SPATA31C1: variants seen among roughly 807,000 people sequenced by gnomAD.
SPATA31C1 encodes the protein SPATA31 subfamily C member 1.
chr9:87,922,052 G>C (rs193191680), exon 5 of SPATA31C1: 2 of 1,613,848 alleles, frequency 1.2e-6, no homozygotes, highest in African/African-American at 2.7e-5. Context: ...TCCTTGGAGA[G>C]CCACCAATGG....
intron 3 of SPATA31C1, among the ~76,000 whole-genome samples, chr9:87,919,589 AG>A (rs997266740): frequency 2.5e-5 from 2 of 81,140 alleles, no homozygotes; most frequent in East Asian, 3.3e-4. Context: ...CTGGATGCGG[AG>A]GGGGGTGAGG....
exon 5 of SPATA31C1, chr9:87,923,379 C>G (rs1828935140): frequency 6.2e-7 from 1 of 1,602,550 alleles, no homozygotes; most frequent in Non-Finnish European, 8.5e-7. Flanking sequence ...CCTGCGACAT[C>G]CCCAACTCTT....
At chr9:87,919,104 C>T (rs1250969960) in intron 2 of SPATA31C1, 151 bp from the exon 2 acceptor site, 8 of 1,235,458 alleles carry the variant, frequency 6.5e-6, no homozygotes, top group Non-Finnish European at 8.0e-6. Context: ...AGCAGTTTAT[C>T]ATCCATTTAA....
rs745367524 is a variant in SPATA31C1, at chr9:87,920,605, C to T, written n.995C>T. On this transcript the variant is annotated non_coding_transcript_exon_variant, in exon 5 of 5. Transcript: ENST00000420021. Reference sequence around the variant, plus strand: ...CCTCTGGCCTGCTCTCCACCTCCTCCGAAAGGCTTCACTCCTCCTCCCCTG... The same window carrying T: ...CCTCTGGCCTGCTCTCCACCTCCTCTGAAAGGCTTCACTCCTCCTCCCCTG... 71 of 1,613,664 alleles carry T rather than the reference C, an allele frequency of 4.4e-5. 1 individual carries two copies. The highest frequency in any genetic ancestry group is 4.2e-4 in the East Asian group (19 of 44,894).
At chr9:87,919,478 T>C in intron 3 of SPATA31C1, 130 bp downstream of exon 2, 1 of 1,368,762 alleles carries the variant, frequency 7.3e-7, no homozygotes, top group Admixed American at 2.3e-5. Flanking sequence ...CCCTGGGTCC[T>C]TCTCAGATTC....
Position 87,919,050 on chromosome 9 carries a change from G to A in SPATA31C1, n.523-241G>A, listed in dbSNP as rs1256949691. The A allele has an allele frequency of 4.8e-5, 38 of 793,538 alleles. No individual in the cohort carries two copies. The East Asian group carries it at 7.2e-4, about 15-fold the overall frequency. The allele number at this position is 793,538 out of a possible 1,614,324, so 49.2% of individuals were successfully genotyped here. On this transcript the variant is annotated intron_variant and non_coding_transcript_variant, in intron 2 of 4. Coordinates refer to ENST00000420021, the Ensembl canonical transcript of SPATA31C1. ...CTCCCAAAGTGCTTGGATTATAGGC[G>A]TGAGCCACCGCACCCGACCCCCTCT...
At chr9:87,920,911 T>A in exon 5 of SPATA31C1, 2 of 1,613,254 alleles carry the variant, frequency 1.2e-6, no homozygotes, top group African/African-American at 1.3e-5. Flanking sequence ...CTGTCCCATC[T>A]GGGGCCTGAG....
exon 5 of SPATA31C1, chr9:87,921,811 T>C (rs1335063550): frequency 5.0e-6 from 8 of 1,611,932 alleles, no homozygotes; most frequent in Middle Eastern, 2.2e-4. Context: ...AAAGCCTGTG[T>C]AAACACAGCC....
At chr9:87,920,964 C>T (rs778630900) in exon 5 of SPATA31C1, 1 of 1,613,070 alleles carries the variant, frequency 6.2e-7, no homozygotes, top group South Asian at 1.1e-5. Context: ...CCGGCCCACA[C>T]CTATGGCTCA....
chr9:87,921,336 C>T, exon 5 of SPATA31C1: 1 of 1,611,982 alleles, frequency 6.2e-7, no homozygotes, highest in Non-Finnish European at 8.5e-7. Context: ...GGATCTGATG[C>T]AGCTTCAGGA....
exon 5 of SPATA31C1, chr9:87,922,259 A>C: frequency 3.1e-6 from 5 of 1,613,020 alleles, no homozygotes; most frequent in Non-Finnish European, 4.2e-6. Flanking sequence ...ACAGCCTCAA[A>C]GGCAGCACCC....
rs1360050933 is a variant in SPATA31C1 at position 87,915,423 on chromosome 9, G to A, written n.189+713G>A. The stretch of plus-strand genomic sequence containing the variant: ...GTTCAAGCTATTCTCCTGTCTTAGC[G>A]TACTGAGTAGCTGGGGATTACAGGC... On this transcript the variant is annotated intron_variant and non_coding_transcript_variant, in intron 1 of 4. Coordinates refer to ENST00000420021, the Ensembl canonical transcript of SPATA31C1. Among the ~76,000 whole-genome samples, 5 of 144,046 alleles carry A rather than the reference G, an allele frequency of 3.5e-5. 1 individual carries two copies. Among genetic ancestry groups the A allele is most frequent in the Non-Finnish European group, 7.7e-5 (5 of 65,028 alleles). The allele number at this position is 144,046 out of a possible 152,430, so 94.5% of individuals were successfully genotyped here. A position where few individuals can be genotyped will look rare whatever the true frequency, so the allele number is the denominator to read the frequency against.
exon 5 of SPATA31C1, chr9:87,921,662 C>CATGGGCAGAAAGTTGGGCCAGACCA (rs1209347294): frequency 6.2e-7 from 1 of 1,611,924 alleles, no homozygotes; most frequent in Non-Finnish European, 8.5e-7. Context: ...TGAAAGCCCA[C>CATGGGCAGAAAGTTGGGCCAGACCA]ATGGGCAGAA....
At chr9:87,920,834 C>T (rs1214568163) in exon 5 of SPATA31C1, 4 of 1,613,794 alleles carry the variant, frequency 2.5e-6, no homozygotes, top group African/African-American at 1.3e-5. Flanking sequence ...ACTCGTCAGT[C>T]CAGCAAGATC....
exon 5 of SPATA31C1, chr9:87,923,092 T>C (rs745698976): frequency 3.7e-6 from 6 of 1,602,402 alleles, no homozygotes; most frequent in Non-Finnish European, 5.1e-6. Flanking sequence ...GAGAGGCTCA[T>C]GACAGCAGTT....
chr9:87,921,567 G>A, exon 5 of SPATA31C1: 14 of 1,612,030 alleles, frequency 8.7e-6, no homozygotes, highest in Non-Finnish European at 1.2e-5. Context: ...TGAGGAGTCA[G>A]AAAGGAACCT....
Position 87,921,819 on chromosome 9 carries a change from G to A in SPATA31C1, n.2209G>A, listed in dbSNP as rs780162664. 4 of 1,612,060 alleles carry A rather than the reference G, an allele frequency of 2.5e-6. No homozygotes were observed. The East Asian group carries it at 6.7e-5, about 27-fold the overall frequency. ...AAGTAGGAAAGCCTGTGTAAACACA[G>A]CCCAGGTGCTTTCCTTCCTTGAGCT... is the stretch of plus-strand genomic sequence containing the variant. On this transcript the variant is annotated non_coding_transcript_exon_variant, in exon 5 of 5. Transcript: ENST00000420021.
chr9:87,922,991 A>G (rs1828916495), exon 5 of SPATA31C1: 2 of 1,528,172 alleles, frequency 1.3e-6, no homozygotes, highest in Non-Finnish European at 1.8e-6. Flanking sequence ...CGATTTTTTC[A>G]AAGAAAGAAA....
exon 5 of SPATA31C1, chr9:87,920,539 A>G: frequency 6.2e-7 from 1 of 1,613,498 alleles, no homozygotes; most frequent in Non-Finnish European, 8.5e-7. Flanking sequence ...CCCTCACCCG[A>G]GCCACCTGCA....
Sources: allele counts gnomAD v4.1 joint callset (sites outside exome capture counted in the v4.1 genomes callset), GRCh38; gene constraint gnomAD v4.1.1; transcripts MANE v1.5; gene names NCBI Gene and HGNC (gene_info 2026-07-23, HGNC 2026-07-21).